Variants in RALGPS2 observed in about 807,000 individuals in gnomAD.
RALGPS2 encodes the protein ras-specific guanine nucleotide-releasing factor RalGPS2.
RALGPS2 carries 43 observed loss-of-function variants against 86.8 expected under a neutral mutation model. The ratio of observed to expected loss-of-function variants is 0.50; its 90% CI spans 0.39 to 0.64. The LOEUF (loss-of-function observed/expected upper bound fraction) is 0.64, where lower values mean the gene tolerates loss of function less well. RALGPS2 is among the 30% of genes least tolerant of loss of function. RALGPS2 has a pLI of 0.00. For synonymous variants in RALGPS2, 243 were observed against 231.3 expected, an observed-to-expected ratio of 1.05 and a Z score of -0.46; for missense variants, 536 against 694.6, an observed-to-expected ratio of 0.77 and a Z score of 2.57.
At position 178,889,629 on chromosome 1, in the gene RALGPS2, C is replaced by G. The variant is rs1553275553; in HGVS notation, c.1193-13C>G. On this transcript the variant is annotated splice_polypyrimidine_tract_variant and intron_variant, in intron 13 of 19. Transcript: ENST00000367635. ...TTCTGATGTTTAAAAAATAGGATAA[C>G]TTTTCATTTTAGGTAGCAGCGATGG... 9 of 1,582,926 alleles carry G rather than the reference C, an allele frequency of 5.7e-6. 1 individual carries two copies. In the South Asian group the frequency reaches 1.0e-4, roughly 18 times the overall value.
At chr1:178,875,502 C>T (rs1012201804) in intron 8 of RALGPS2, among the ~76,000 whole-genome samples, 3 of 152,172 alleles carry the variant, frequency 2.0e-5, no homozygotes, top group African/African-American at 7.2e-5. Context: ...AATCCTAGCA[C>T]TTTGGGAGGC....
chr1:178,824,237 A>G (rs1481081478), intron 7 of RALGPS2, among the ~76,000 whole-genome samples: 1 of 152,178 alleles, frequency 6.6e-6, no homozygotes, highest in African/African-American at 2.4e-5. Context: ...AAGAAGTGGG[A>G]CAGCAAGTAT....
intron 8 of RALGPS2, among the ~76,000 whole-genome samples, chr1:178,834,164 A>G (rs1378174372): frequency 6.6e-6 from 1 of 152,202 alleles, no homozygotes; most frequent in Non-Finnish European, 1.5e-5. Context: ...TGTTTGAATG[A>G]AAAGAAGACC....
rs774381829 is a variant in RALGPS2 at position 178,886,096 on chromosome 1, A to C, written c.1168A>C (p.Thr390Pro). The C allele has an allele frequency of 9.3e-6, 15 of 1,612,560 alleles. No individual in the cohort carries two copies. The highest frequency in any genetic ancestry group is 1.0e-5 in the Non-Finnish European group (12 of 1,179,654). The change falls in exon 13 of 20, where the codon ACT (threonine) becomes CCT (proline). Residue 390 changes from threonine to proline, a missense_variant. Thr to Pro is a conservative substitution (Grantham distance 38). This residue lies in a region of RALGPS2 where 309 missense variants were observed against 363.0 expected (regional missense o/e 0.85). Transcript: ENST00000367635. ...ATCTCGAGGCCAAGCTGAAAGTTCT[A>C]CTCTTTCTAGTGGAATATCAATAGG... ...APSRGQAESSTLSSGISIGSS... is the reference protein window; with the variant it reads ...APSRGQAESSPLSSGISIGSS...
chr1:178,836,764 T>TTTTC lies in RALGPS2; in HGVS notation c.607+3226_607+3229dup, dbSNP rs113602584. Among the ~76,000 whole-genome samples the TTTTC allele has an allele frequency of 1.3e-3, 195 of 152,248 alleles. 1 individual carries two copies. The highest frequency in any genetic ancestry group is 4.2e-3 in the African/African-American group (174 of 41,542). On this transcript the variant is annotated intron_variant, in intron 8 of 19. Coordinates refer to ENST00000367635, the MANE Select transcript of RALGPS2 (RefSeq NM_152663.5). ...TTCTTGAGAGGTCTCAGTCCACTTC[T>TTTTC]TTTCTTTCTTTCTTTTTTTTATTTT...
intron 13 of RALGPS2, among the ~76,000 whole-genome samples, 155 bp downstream of exon 13, chr1:178,886,275 G>A (rs574182862): frequency 1.1e-4 from 16 of 152,284 alleles, no homozygotes; most frequent in Admixed American, 9.8e-4. Flanking sequence ...AATTTGTGAT[G>A]GTTTTAAAAG....
At chr1:178,780,562 C>T (rs1475805339) in intron 2 of RALGPS2, among the ~76,000 whole-genome samples, 1 of 152,132 alleles carries the variant, frequency 6.6e-6, no homozygotes, top group Non-Finnish European at 1.5e-5. Context: ...AGACTTTCTT[C>T]AAAATGGCCC....
At chr1:178,913,036 CT>C (rs1353767125) in intron 19 of RALGPS2, among the ~76,000 whole-genome samples, 7 of 152,116 alleles carry the variant, frequency 4.6e-5, no homozygotes, top group Non-Finnish European at 1.0e-4. Flanking sequence ...AATCCCAGCA[CT>C]TTGGGAGGCC....
chr1:178,896,521 G>A (rs1659945275), intron 16 of RALGPS2, among the ~76,000 whole-genome samples: 1 of 147,990 alleles, frequency 6.8e-6, no homozygotes, highest in African/African-American at 2.5e-5. Flanking sequence ...ACATTGTGCA[G>A]GTTAGTTACA....
rs1659418611 is a variant in RALGPS2 at position 178,885,103 on chromosome 1, G to A, written c.932G>A (p.Ser311Asn). The part of the protein sequence containing the change: ...VGPEVGASPQ[S>N]GRKSVAAEGA... ...CCTGAAGTAGGAGCGTCTCCACAGA[G>A]TGGACGAAAAAGTGTGGCAGCTGAA... The change falls in exon 12 of 20, where the codon AGT (serine) becomes AAT (asparagine). Residue 311 changes from serine to asparagine, a missense_variant. Coordinates refer to ENST00000367635, the MANE Select transcript of RALGPS2 (RefSeq NM_152663.5). 6.2e-7 allele frequency: 1 copy of A among 1,608,768 alleles called. No individual in the cohort carries two copies. Among genetic ancestry groups the A allele is most frequent in the African/African-American group, 1.3e-5 (1 of 74,664 alleles).
At chr1:178,816,696 T>C (rs1476326925) in intron 6 of RALGPS2, among the ~76,000 whole-genome samples, 1 of 151,850 alleles carries the variant, frequency 6.6e-6, no homozygotes, top group Non-Finnish European at 1.5e-5. Flanking sequence ...AGAAGTATTA[T>C]AGTTTGAAGT....
At chr1:178,872,339 G>A (rs1184843883) in intron 8 of RALGPS2, among the ~76,000 whole-genome samples, 2 of 152,184 alleles carry the variant, frequency 1.3e-5, no homozygotes, top group African/African-American at 2.4e-5. Context: ...GCCTAGAAAG[G>A]CAAATGCTCA....
In RALGPS2 at chr1:178,917,386, T is replaced by G. The variant is rs1660849392; in HGVS notation, c.*1027T>G. On this transcript the variant is annotated 3_prime_UTR_variant, in exon 20 of 20. Coordinates refer to ENST00000367635, the MANE Select transcript of RALGPS2 (RefSeq NM_152663.5). ...TGTGCATAATGCCAGAGTTATTTTT[T>G]TATTATTCATTTTCTCTCTTTTTGT... 6.6e-6 allele frequency: 1 copy of G among 152,172 alleles called. No individual in the cohort carries two copies. Among genetic ancestry groups the G allele is most frequent in the Admixed American group, 6.5e-5 (1 of 15,274 alleles). 9.4% of individuals were successfully genotyped at this position (152,172 alleles called of 1,614,324 possible).
At chr1:178,811,234 T>A (rs1654960437) in intron 5 of RALGPS2, 81 bp from the exon 6 acceptor site, 1 of 1,108,282 alleles carries the variant, frequency 9.0e-7, no homozygotes, top group South Asian at 1.6e-5. Flanking sequence ...TACCTAATTC[T>A]GCCAAAATTT....
At chr1:178,809,263 G>A (rs1420206533) in intron 5 of RALGPS2, among the ~76,000 whole-genome samples, 1 of 151,902 alleles carries the variant, frequency 6.6e-6, no homozygotes, top group Non-Finnish European at 1.5e-5. Flanking sequence ...AAAAATAAGT[G>A]AATTGTTTTA....
intron 4 of RALGPS2, among the ~76,000 whole-genome samples, chr1:178,793,442 G>C (rs1654053145): frequency 7.0e-6 from 1 of 142,774 alleles, no homozygotes; most frequent in Non-Finnish European, 1.5e-5. Flanking sequence ...GTCTCGCAGT[G>C]TTGCCCAGAC....
intron 17 of RALGPS2, among the ~76,000 whole-genome samples, chr1:178,900,050 A>G (rs1388745445): frequency 3.3e-5 from 5 of 151,932 alleles, no homozygotes; most frequent in African/African-American, 1.2e-4. Context: ...CAATGTTATG[A>G]TGTCTGCAAT....
intron 1 of RALGPS2, among the ~76,000 whole-genome samples, chr1:178,767,905 G>T (rs1449585703): frequency 6.6e-6 from 1 of 152,166 alleles, no homozygotes; most frequent in Non-Finnish European, 1.5e-5. Flanking sequence ...GATAACGGGA[G>T]GCCATGCCAT....
At chr1:178,862,074 T>C (rs1426972364) in intron 8 of RALGPS2, among the ~76,000 whole-genome samples, 1 of 152,092 alleles carries the variant, frequency 6.6e-6, no homozygotes, top group East Asian at 1.9e-4. Flanking sequence ...GGTTTCACCA[T>C]GTTGGCCAGG....
Sources: gnomAD v4.1 joint callset for allele counts (sites outside exome capture counted in the v4.1 genomes callset) on GRCh38, gnomAD v4.1.1 for gene constraint, gnomAD v4.1.1 regional missense constraint, MANE v1.5 for transcripts, NCBI Gene and HGNC (gene_info 2026-07-23, HGNC 2026-07-21) for gene names.